The following ARMC10 variants were observed in gnomAD, a reference collection of about 807,000 sequenced individuals.
ARMC10 encodes the protein armadillo repeat-containing protein 10.
In ARMC10, 23 loss-of-function variants were observed where a neutral mutation model predicts 30.2. That is an observed-to-expected ratio of 0.76 (90% confidence interval 0.55 to 1.08). ARMC10 has a LOEUF of 1.08. ARMC10 is among the 50% of genes least tolerant of loss of function. ARMC10 has a pLI of 0.00. For synonymous variants in ARMC10, 111 were observed against 164.4 expected, an observed-to-expected ratio of 0.68 and a Z score of 2.48; for missense variants, 303 against 413.7, an observed-to-expected ratio of 0.73 and a Z score of 2.32.
intron 3 of ARMC10, among the ~76,000 whole-genome samples, chr7:103,084,241 T>A (rs1400008627): frequency 6.6e-6 from 1 of 152,222 alleles, no homozygotes; most frequent in Non-Finnish European, 1.5e-5. Context: ...TGATAACCAC[T>A]AATCAATGTA....
chr7:103,075,559 GC>G (rs1799657142), intron 1 of ARMC10, 148 bp downstream of exon 1: 1 of 1,009,490 alleles, frequency 9.9e-7, no homozygotes, highest in African/African-American at 1.6e-5. Flanking sequence ...GTGCTGCGCC[GC>G]CCCCGCCGCC....
At position 103,081,902 on chromosome 7, in the gene ARMC10, A is replaced by C. The variant is rs1045565118; in HGVS notation, c.245-1780A>C. On this transcript the variant is annotated intron_variant, in intron 2 of 6. Transcript: ENST00000323716. ...TGCAGATGAGAAAACTGAGACCCCC[A>C]AAAATAGTAAGTGACTTACTTGTAA... 5.0e-5 allele frequency: 23 copies of C among 456,662 alleles called. 1 individual carries two copies. The highest frequency in any genetic ancestry group is 2.1e-4 in the East Asian group (3 of 14,394). 28.3% of individuals were successfully genotyped at this position (456,662 alleles called of 1,614,324 possible).
chr7:103,098,380 A>G lies in ARMC10; in HGVS notation c.859A>G (p.Ile287Val). ...TCGAGTACTTACGCTATTTCAGAAT[A>G]TAAAGAACTGCCTCAAAATAGAAGG... Reference protein sequence around the residue: ...LLRVLTLFQNIKNCLKIEGHL... With the variant: ...LLRVLTLFQNVKNCLKIEGHL... The change falls in exon 7 of 7, where the codon ATA (isoleucine) becomes GTA (valine). Residue 287 changes from isoleucine (I) to valine (V), a missense_variant. Ile to Val is a conservative substitution (Grantham distance 29). Around this residue, in one of 4 missense-constraint regions of ARMC10, gnomAD observed 26 missense variants for 94.7 expected, o/e 0.27. Coordinates refer to ENST00000323716, the MANE Select transcript of ARMC10 (RefSeq NM_031905.5). 1.9e-6 allele frequency: 3 copies of G among 1,614,048 alleles called. No individual in the cohort carries two copies. Among genetic ancestry groups the G allele is most frequent in the Non-Finnish European group, 2.5e-6 (3 of 1,179,992 alleles).
chr7:103,081,977 T>TGAACAA, intron 2 of ARMC10: 1 of 455,658 alleles, frequency 2.2e-6, no homozygotes, highest in South Asian at 1.6e-5. Flanking sequence ...CCCTGTGACT[T>TGAACAA]TAGGCAGATC....
In ARMC10 at chr7:103,075,841, A is replaced by T. The variant is rs756332254; in HGVS notation, c.204A>T (p.Gly68=). Residue 68 remains glycine (G), a synonymous_variant, in exon 2 of 7, where the codon GGA becomes GGT. Transcript: ENST00000323716. Reference sequence around the variant, plus strand: ...GGCGCTCGGCCCGGCCTCAGACGGGAGGTACCTGGGAGTCACAGTGGTCCA... The same window carrying T: ...GGCGCTCGGCCCGGCCTCAGACGGGTGGTACCTGGGAGTCACAGTGGTCCA... ...LCGRSARPQT[G]GTWESQWSKT... 1 of 1,611,578 alleles carries T rather than the reference A, an allele frequency of 6.2e-7. No homozygotes were observed. Among genetic ancestry groups the T allele is most frequent in the South Asian group, 1.1e-5 (1 of 90,398 alleles).
At chr7:103,086,518 A>C (rs899981070) in intron 3 of ARMC10, 112 bp from the exon 4 acceptor site, 10 of 1,195,164 alleles carry the variant, frequency 8.4e-6, no homozygotes, top group Non-Finnish European at 1.2e-5. Context: ...TGGGAAAGAG[A>C]TTTCCAAAAA....
chr7:103,094,863 A>G (rs1255507715), intron 5 of ARMC10, among the ~76,000 whole-genome samples: 1 of 152,186 alleles, frequency 6.6e-6, no homozygotes, highest in Non-Finnish European at 1.5e-5. Flanking sequence ...ACTGCTGAGG[A>G]TTGGAAGGGG....
chr7:103,095,858 C>T (rs1801713756), intron 5 of ARMC10: 1 of 151,006 alleles, frequency 6.6e-6, no homozygotes, highest in Non-Finnish European at 1.5e-5. Context: ...ACTGTATATT[C>T]TCACTCATAG....
In ARMC10 at chr7:103,091,823, G is replaced by T. The variant is rs115412997; in HGVS notation, c.529-654G>T. ...AGCATGATCTCTGGGCTTGGCTATT[G>T]CATCCCCACCTGCTGTCTGACATTG... On this transcript the variant is annotated intron_variant, in intron 4 of 6. Transcript: ENST00000323716. Among the ~76,000 whole-genome samples the T allele has an allele frequency of 2.8e-3, 420 of 152,282 alleles. 5 individuals carry two copies. The highest frequency in any genetic ancestry group is 9.6e-3 in the African/African-American group (401 of 41,556).
At chr7:103,075,921 C>G (rs549470991) in intron 2 of ARMC10, 40 bp downstream of exon 2, 1 of 1,410,646 alleles carries the variant, frequency 7.1e-7, no homozygotes, top group East Asian at 2.6e-5. Context: ...CTGCGCGAGA[C>G]ACACCCTCCC....
intron 5 of ARMC10, among the ~76,000 whole-genome samples, chr7:103,093,102 T>G (rs931191426): frequency 6.6e-6 from 1 of 152,242 alleles, no homozygotes; most frequent in Non-Finnish European, 1.5e-5. Flanking sequence ...TAGGTTGATA[T>G]AAGAGGCAAC....
At position 103,092,564 on chromosome 7, in the gene ARMC10, A is replaced by G. The variant is rs549786766; in HGVS notation, c.616A>G (p.Met206Val). The G allele has an allele frequency of 1.1e-5, 18 of 1,610,600 alleles. No homozygotes were observed. In the East Asian group the frequency reaches 2.2e-4, roughly 20 times the overall value. ...GGCTGGACTGACATTGTTGACAAAC[A>G]TGACTGTTACCAATGACCACCAGCA... ...QLAGLTLLTN[M>V]TVTNDHQHML... Residue 206 changes from methionine to valine, a missense_variant, in exon 5 of 7, where the codon ATG (methionine) becomes GTG (valine). This residue lies in a region of ARMC10 where 170 missense variants were observed against 207.2 expected (regional missense o/e 0.82). Coordinates refer to ENST00000323716, the MANE Select transcript of ARMC10 (RefSeq NM_031905.5).
chr7:103,092,634 C>G lies in ARMC10; in HGVS notation c.686C>G (p.Thr229Ser). 1 of 1,571,392 alleles carries G rather than the reference C, an allele frequency of 6.4e-7. No homozygotes were observed. Among genetic ancestry groups the G allele is most frequent in the Non-Finnish European group, 8.7e-7 (1 of 1,146,848 alleles). ...ACAGACCTGTTCCAGGTGTTACTTA[C>G]TGGAAATGGAAACACGAAGGTATGA... ...YITDLFQVLLTGNGNTKVQVL... is the reference protein window; with the variant it reads ...YITDLFQVLLSGNGNTKVQVL... The change falls in exon 5 of 7, where the codon ACT (threonine) becomes AGT (serine). Residue 229 changes from threonine (T) to serine (S), a missense_variant. Around this residue, in one of 4 missense-constraint regions of ARMC10, gnomAD observed 170 missense variants for 207.2 expected, o/e 0.82. Transcript: ENST00000323716.
chr7:103,084,300 T>C (rs764195152), intron 3 of ARMC10, among the ~76,000 whole-genome samples: 1 of 152,224 alleles, frequency 6.6e-6, no homozygotes, highest in African/African-American at 2.4e-5. Flanking sequence ...AGAGCTTAAT[T>C]TGAACATGTG....
chr7:103,090,327 G>T (rs1187984020), intron 4 of ARMC10, among the ~76,000 whole-genome samples: 3 of 152,334 alleles, frequency 2.0e-5, no homozygotes, highest in East Asian at 3.9e-4. Flanking sequence ...AAGGATGGAT[G>T]TATAATTAAA....
At chr7:103,093,305 G>A (rs1308260892) in intron 5 of ARMC10, among the ~76,000 whole-genome samples, 1 of 152,202 alleles carries the variant, frequency 6.6e-6, no homozygotes, top group Admixed American at 6.5e-5. Flanking sequence ...TACCATGTTA[G>A]TCTGTGTTCT....
chr7:103,099,648 T>G lies in ARMC10; in HGVS notation c.*1095T>G, dbSNP rs1188501720. ...AACACTTCTAGAATGATACCCAAAC[T>G]CCTGGAGTGGGAGTGGGGAATGCCT... is the stretch of plus-strand genomic sequence containing the variant. On this transcript the variant is annotated 3_prime_UTR_variant, in exon 7 of 7. Transcript: ENST00000323716. 2 of 146,164 alleles carry G rather than the reference T, an allele frequency of 1.4e-5. No individual in the cohort carries two copies. Among genetic ancestry groups the G allele is most frequent in the Admixed American group, 7.1e-5 (1 of 14,160 alleles). 9.1% of individuals were successfully genotyped at this position (146,164 alleles called of 1,614,324 possible). A position where few individuals can be genotyped will look rare whatever the true frequency, so the allele number is the denominator to read the frequency against.
chr7:103,098,027 A>G (rs1162098850), intron 6 of ARMC10, among the ~76,000 whole-genome samples: 3 of 152,210 alleles, frequency 2.0e-5, no homozygotes, highest in African/African-American at 7.2e-5. Flanking sequence ...ACCACATTCT[A>G]AAATTCCAAG....
chr7:103,081,087 A>C (rs1054607552), intron 2 of ARMC10, among the ~76,000 whole-genome samples: 1 of 152,348 alleles, frequency 6.6e-6, no homozygotes. Flanking sequence ...TTCTAGGTAC[A>C]AAAGTGCTTT....
Sources: gnomAD v4.1 joint callset for allele counts (sites outside exome capture counted in the v4.1 genomes callset) on GRCh38, gnomAD v4.1.1 for gene constraint, gnomAD v4.1.1 regional missense constraint, MANE v1.5 for transcripts, NCBI Gene and HGNC (gene_info 2026-07-23, HGNC 2026-07-21) for gene names.